The following THSD4 variants were observed in gnomAD, a reference collection of about 807,000 sequenced individuals.
THSD4 encodes thrombospondin type 1 domain containing 4.
THSD4 carries 69 observed loss-of-function variants against 119.0 expected under a neutral mutation model. That is an observed-to-expected ratio of 0.58 (90% CI 0.48 to 0.71). The LOEUF is 0.71. Among genes scored for constraint, THSD4 ranks in the 30% least tolerant of loss-of-function variants. The pLI, the probability that THSD4 is intolerant of heterozygous loss-of-function variation, is 0.00. For synonymous variants in THSD4, 524 were observed against 540.4 expected (o/e 0.97, Z 0.42); for missense variants, 1,393 against 1,391.1 (o/e 1.00, Z -0.02).
At position 71,557,092 on chromosome 15, in the gene THSD4, C is replaced by G. The variant is rs1306146481; in HGVS notation, c.1153-103438C>G. On this transcript the variant is annotated intron_variant, in intron 7 of 17. Coordinates refer to ENST00000261862, the MANE Select transcript of THSD4 (RefSeq NM_024817.3). ...TCAAGAGAACACTTCTGACATTCTG[C>G]CATTGAAAATCAAGTTTGCTGTAAG... Among the ~76,000 whole-genome samples, 3 of 152,146 alleles carry G rather than the reference C, an allele frequency of 2.0e-5. 1 individual carries two copies. In the South Asian group the frequency reaches 6.2e-4, roughly 32 times the overall value.
intron 6 of THSD4, among the ~76,000 whole-genome samples, chr15:71,319,781 C>A (rs1015307537): frequency 6.6e-6 from 1 of 151,962 alleles, no homozygotes; most frequent in Admixed American, 6.5e-5. Flanking sequence ...GTGGTGCTGC[C>A]CTGTTAAAAG....
chr15:71,170,900 A>T (rs1222243263), intron 3 of THSD4, among the ~76,000 whole-genome samples: 3 of 152,206 alleles, frequency 2.0e-5, no homozygotes, highest in Non-Finnish European at 4.4e-5. Context: ...TGAGATGAAA[A>T]ATATACTGGA....
intron 6 of THSD4, among the ~76,000 whole-genome samples, chr15:71,296,268 C>T (rs909840569): frequency 1.3e-5 from 2 of 152,180 alleles, no homozygotes; most frequent in Non-Finnish European, 2.9e-5. Flanking sequence ...TTTACATTCC[C>T]ATCAACAATA....
intron 5 of THSD4, among the ~76,000 whole-genome samples, chr15:71,243,746 A>C (rs544826955): frequency 1.3e-5 from 2 of 148,820 alleles, no homozygotes; most frequent in East Asian, 4.0e-4. Flanking sequence ...ATCTACCATT[A>C]TTAAAAACTC....
intron 7 of THSD4, among the ~76,000 whole-genome samples, chr15:71,625,842 A>G (rs764690064): frequency 7.2e-5 from 11 of 152,168 alleles, no homozygotes; most frequent in Non-Finnish European, 1.6e-4. Flanking sequence ...TTGCTAAGGT[A>G]GAGAGGGGCA....
At chr15:71,412,017 G>A (rs752093114) in intron 7 of THSD4, among the ~76,000 whole-genome samples, 194 bp downstream of exon 7, 9 of 152,150 alleles carry the variant, frequency 5.9e-5, no homozygotes, top group Non-Finnish European at 1.2e-4. Flanking sequence ...ATCTTTGGGC[G>A]TCACCAGGTC....
At chr15:71,773,688 A>G (rs2053864147) in intron 17 of THSD4, among the ~76,000 whole-genome samples, 1 of 152,252 alleles carries the variant, frequency 6.6e-6, no homozygotes, top group Non-Finnish European at 1.5e-5. Context: ...ACTTCGGTAT[A>G]TCCCAGAGGG....
At chr15:71,373,992 C>T (rs2046096820) in intron 6 of THSD4, among the ~76,000 whole-genome samples, 1 of 152,186 alleles carries the variant, frequency 6.6e-6, no homozygotes, top group South Asian at 2.1e-4. Context: ...GTTATGTGAA[C>T]ACTGGACTGA....
chr15:71,562,328 A>G (rs1036660400), intron 7 of THSD4, among the ~76,000 whole-genome samples: 1 of 152,236 alleles, frequency 6.6e-6, no homozygotes, highest in Non-Finnish European at 1.5e-5. Flanking sequence ...CTTGCGCTAT[A>G]GAGATGGTTA....
At chr15:71,399,187 C>T (rs950354709) in intron 6 of THSD4, among the ~76,000 whole-genome samples, 3 of 152,102 alleles carry the variant, frequency 2.0e-5, no homozygotes, top group Non-Finnish European at 4.4e-5. Flanking sequence ...TACAGCTGAG[C>T]TCTACCACTT....
chr15:71,665,532 T>C lies in THSD4; in HGVS notation c.1357+4798T>C, dbSNP rs190733263. On this transcript the variant is annotated intron_variant, in intron 8 of 17. Coordinates refer to ENST00000261862, the MANE Select transcript of THSD4 (RefSeq NM_024817.3). ...TCCCATCTGTCAATTTTAGCTTTTG[T>C]TTCAATTGCTTTTAGCATCTTCATC... Among the ~76,000 whole-genome samples the C allele has an allele frequency of 3.7e-4, 57 of 152,358 alleles. No individual in the cohort carries two copies. The East Asian group carries it at 0.011, about 29-fold the overall frequency.
chr15:71,730,931 T>C, intron 9 of THSD4, 190 bp from the exon 10 acceptor site: 1 of 577,016 alleles, frequency 1.7e-6, no homozygotes, highest in South Asian at 2.1e-5. Flanking sequence ...TCTTCATTCT[T>C]CAAAAGTAAA....
intron 6 of THSD4, among the ~76,000 whole-genome samples, chr15:71,290,498 A>G (rs2044775388): frequency 6.6e-6 from 1 of 152,016 alleles, no homozygotes; most frequent in Non-Finnish European, 1.5e-5. Flanking sequence ...GATTGCTTGC[A>G]TTGCTTTTAA....
chr15:71,218,091 T>C (rs2043949039), intron 4 of THSD4, among the ~76,000 whole-genome samples: 1 of 152,184 alleles, frequency 6.6e-6, no homozygotes, highest in Non-Finnish European at 1.5e-5. Context: ...ACTGTTCTTA[T>C]CACTTTACAC....
At chr15:71,672,344 A>G (rs1412018976) in intron 8 of THSD4, among the ~76,000 whole-genome samples, 3 of 152,162 alleles carry the variant, frequency 2.0e-5, no homozygotes, top group African/African-American at 4.8e-5. Flanking sequence ...TTTGTATCCT[A>G]AGACTTTGCT....
chr15:71,152,591 C>G (rs547493362), intron 2 of THSD4, among the ~76,000 whole-genome samples: 2 of 152,238 alleles, frequency 1.3e-5, no homozygotes, highest in East Asian at 3.9e-4. Context: ...ACTCCTAGTT[C>G]CCTGCCCGGC....
intron 8 of THSD4, among the ~76,000 whole-genome samples, chr15:71,713,907 G>C (rs2141097471): frequency 6.6e-6 from 1 of 152,286 alleles, no homozygotes; most frequent in Admixed American, 6.5e-5. Flanking sequence ...TTCAGAACCT[G>C]TGAGAAGCTG....
At chr15:71,509,566 G>A (rs186097587) in intron 7 of THSD4, among the ~76,000 whole-genome samples, 1 of 152,336 alleles carries the variant, frequency 6.6e-6, no homozygotes, top group Admixed American at 6.5e-5. Context: ...ACTTCAAGAA[G>A]CAAAGCATCT....
chr15:71,329,631 C>A (rs540822314), intron 6 of THSD4, among the ~76,000 whole-genome samples: 2 of 152,186 alleles, frequency 1.3e-5, no homozygotes, highest in African/African-American at 4.8e-5. Flanking sequence ...ATTCCCGAGA[C>A]GCCAGCTCTG....
Sources: allele counts gnomAD v4.1 joint callset (sites outside exome capture counted in the v4.1 genomes callset), GRCh38; gene constraint gnomAD v4.1.1; transcripts MANE v1.5; gene names NCBI Gene and HGNC (gene_info 2026-07-23, HGNC 2026-07-21).